Variants in SLC2A12 observed in about 807,000 individuals in gnomAD.
SLC2A12 encodes the protein solute carrier family 2, facilitated glucose transporter member 12.
SLC2A12 carries 23 observed loss-of-function variants against 41.8 expected under a neutral mutation model. That is an observed-to-expected ratio of 0.55 (90% CI 0.40 to 0.78). The LOEUF (loss-of-function observed/expected upper bound fraction) is 0.78. Ranked by LOEUF, SLC2A12 falls within the 30% of genes least tolerant of loss-of-function variation. SLC2A12 has a pLI of 0.00. For synonymous variants in SLC2A12, 295 were observed against 285.9 expected (o/e 1.03, Z -0.32); for missense variants, 654 against 745.6 (o/e 0.88, Z 1.43).
chr6:134,041,894 C>A (rs143802064), intron 1 of SLC2A12, among the ~76,000 whole-genome samples: 2 of 152,196 alleles, frequency 1.3e-5, no homozygotes, highest in African/African-American at 4.8e-5. Flanking sequence ...AGTCCCCTGG[C>A]GTCTCCAGGA....
chr6:134,033,107 G>C (rs897428881), intron 1 of SLC2A12, among the ~76,000 whole-genome samples: 2 of 151,880 alleles, frequency 1.3e-5, no homozygotes, highest in Non-Finnish European at 2.9e-5. Flanking sequence ...AGCCTGGAGA[G>C]GTAGGACGGA....
In SLC2A12 at chr6:133,990,496, ATTATT is replaced by A. The variant is rs2114408495; in HGVS notation, c.*654_*658del. On this transcript the variant is annotated 3_prime_UTR_variant, in exon 5 of 5. Transcript: ENST00000275230. ...GCTCATTTTTCTCAACTATTGTGGA[ATTATT>A]TTAATATTTCACAATATTAACATGA... is the stretch of plus-strand genomic sequence containing the variant. 1 of 152,764 alleles carries A rather than the reference ATTATT, an allele frequency of 6.5e-6. No individual in the cohort carries two copies. Among genetic ancestry groups the A allele is most frequent in the Admixed American group, 6.5e-5 (1 of 15,300 alleles). The allele number at this position is 152,764 out of a possible 1,614,324, so 9.5% of individuals were successfully genotyped here.
intron 2 of SLC2A12, among the ~76,000 whole-genome samples, chr6:134,022,574 A>AAAAG (rs1777059732): frequency 1.9e-5 from 2 of 106,380 alleles, no homozygotes; most frequent in Non-Finnish European, 3.8e-5. Flanking sequence ...AAAAGAAAAG[A>AAAAG]AAAGAAAAGA....
chr6:133,995,204 T>G (rs908895354), intron 4 of SLC2A12, among the ~76,000 whole-genome samples: 1 of 152,148 alleles, frequency 6.6e-6, no homozygotes, highest in Admixed American at 6.5e-5. Flanking sequence ...AAAGACCTTT[T>G]GTTTTGTTTT....
chr6:133,993,326 A>T (rs1026378367), intron 4 of SLC2A12, among the ~76,000 whole-genome samples: 1 of 152,174 alleles, frequency 6.6e-6, no homozygotes, highest in African/African-American at 2.4e-5. Context: ...TTGATGTCTA[A>T]TGGACATCTC....
intron 1 of SLC2A12, among the ~76,000 whole-genome samples, chr6:134,033,652 G>A (rs555660221): frequency 2.5e-4 from 38 of 152,228 alleles, no homozygotes; most frequent in South Asian, 8.3e-4. Flanking sequence ...CTGGGGCTGC[G>A]GAGTTAAGGA....
At chr6:134,023,283 T>C (rs1187544823) in intron 2 of SLC2A12, among the ~76,000 whole-genome samples, 3 of 151,974 alleles carry the variant, frequency 2.0e-5, no homozygotes, top group Admixed American at 2.0e-4. Flanking sequence ...TGATAAGAGG[T>C]AGCATAGGAT....
At chr6:134,001,866 A>G in intron 4 of SLC2A12, 131 bp downstream of exon 4, 4 of 941,178 alleles carry the variant, frequency 4.2e-6, no homozygotes, top group Non-Finnish European at 4.4e-6. Flanking sequence ...ACTGAGACAT[A>G]GTCTTACGCT....
chr6:134,016,214 C>T (rs552455661), intron 2 of SLC2A12, among the ~76,000 whole-genome samples: 1 of 151,974 alleles, frequency 6.6e-6, no homozygotes, highest in African/African-American at 2.4e-5. Flanking sequence ...TAGTGTCACC[C>T]TCTGGAGCAG....
chr6:133,995,974 T>C (rs559866735), intron 4 of SLC2A12, among the ~76,000 whole-genome samples: 7 of 152,316 alleles, frequency 4.6e-5, no homozygotes, highest in African/African-American at 7.2e-5. Flanking sequence ...ATTACCCAGG[T>C]TTTATCTTAA....
intron 3 of SLC2A12, among the ~76,000 whole-genome samples, chr6:134,002,572 T>G (rs1582598634): frequency 6.6e-6 from 1 of 152,096 alleles, no homozygotes; most frequent in East Asian, 1.9e-4. Flanking sequence ...GGTGGACAAT[T>G]TTTTCCCCCT....
At chr6:134,005,659 TAAA>T (rs56710009) in intron 3 of SLC2A12, among the ~76,000 whole-genome samples, 48 of 64,948 alleles carry the variant, frequency 7.4e-4, no homozygotes, top group African/African-American at 2.8e-3. Context: ...GACTCTGTCT[TAAA>T]AAAAAAAAAA....
intron 1 of SLC2A12, among the ~76,000 whole-genome samples, chr6:134,030,877 G>A (rs1211654405): frequency 6.6e-6 from 1 of 152,242 alleles, no homozygotes. Context: ...ACTGAGAGGT[G>A]TAGAGGGCAT....
intron 1 of SLC2A12, 142 bp downstream of exon 1, chr6:134,052,236 T>TGCGC (rs1373483920): frequency 2.0e-6 from 1 of 502,916 alleles, no homozygotes; most frequent in Non-Finnish European, 3.2e-6. Flanking sequence ...CGCGCCCACA[T>TGCGC]GCGCGCGCGC....
At chr6:134,039,876 C>G (rs887640853) in intron 1 of SLC2A12, among the ~76,000 whole-genome samples, 1 of 152,096 alleles carries the variant, frequency 6.6e-6, no homozygotes, top group African/African-American at 2.4e-5. Flanking sequence ...CTCTCTCTCT[C>G]TCACTCCAGT....
At chr6:133,995,751 C>T (rs972171369) in intron 4 of SLC2A12, among the ~76,000 whole-genome samples, 1 of 152,204 alleles carries the variant, frequency 6.6e-6, no homozygotes, top group African/African-American at 2.4e-5. Flanking sequence ...TAAAATCCTT[C>T]AGTAGCTTCC....
At chr6:134,050,796 A>G (rs759638068) in intron 1 of SLC2A12, among the ~76,000 whole-genome samples, 1 of 152,192 alleles carries the variant, frequency 6.6e-6, no homozygotes, top group Non-Finnish European at 1.5e-5. Flanking sequence ...CTTTATCTCC[A>G]AATATAAGTT....
At chr6:134,000,199 C>CA (rs996603530) in intron 4 of SLC2A12, among the ~76,000 whole-genome samples, 21 of 151,752 alleles carry the variant, frequency 1.4e-4, no homozygotes, top group Non-Finnish European at 1.8e-4. Flanking sequence ...TCATCTGTAT[C>CA]AAAAAAAATT....
At chr6:134,038,353 C>CTTTTTTTTT (rs10584884) in intron 1 of SLC2A12, among the ~76,000 whole-genome samples, 1 of 97,518 alleles carries the variant, frequency 1.0e-5, no homozygotes, top group Non-Finnish European at 2.0e-5. Context: ...TTCTTTCTGC[C>CTTTTTTTTT]TTTTTTTTTT....
Sources: allele counts gnomAD v4.1 joint callset (sites outside exome capture counted in the v4.1 genomes callset), GRCh38; gene constraint gnomAD v4.1.1; transcripts MANE v1.5; gene names NCBI Gene and HGNC (gene_info 2026-07-23, HGNC 2026-07-21).